ZHX3: variants seen among roughly 807,000 people sequenced by gnomAD.
ZHX3 encodes zinc fingers and homeoboxes 3.
ZHX3 carries 20 observed loss-of-function variants against 64.5 expected under a neutral mutation model. The observed-to-expected ratio is 0.31, with a 90% CI of 0.22 to 0.45. The LOEUF (loss-of-function observed/expected upper bound fraction) is 0.45, where lower values mean the gene tolerates loss of function less well. ZHX3 is among the 20% of genes least tolerant of loss of function. The pLI, the probability that ZHX3 is intolerant of heterozygous loss-of-function variation, is 1.00. For missense variants in ZHX3, 1,041 were observed against 1,195.8 expected (o/e 0.87, Z 1.91); for synonymous variants, 423 against 461.6 (o/e 0.92, Z 1.07).
intron 2 of ZHX3, among the ~76,000 whole-genome samples, chr20:41,238,421 GAGA>G (rs980053808): frequency 3.0e-4 from 45 of 152,246 alleles, no homozygotes; most frequent in East Asian, 1.9e-4. Context: ...GGCTGGAGAA[GAGA>G]AGAAGGAAGG....
At chr20:41,190,437 C>G (rs1318187622) in intron 3 of ZHX3, among the ~76,000 whole-genome samples, 1 of 152,186 alleles carries the variant, frequency 6.6e-6, no homozygotes, top group African/African-American at 2.4e-5. Flanking sequence ...TCCCAAAGTG[C>G]TGGAATTACA....
At chr20:41,187,435 T>C (rs1286356401) in intron 3 of ZHX3, among the ~76,000 whole-genome samples, 1 of 152,158 alleles carries the variant, frequency 6.6e-6, no homozygotes, top group African/African-American at 2.4e-5. Context: ...CTTTGATCTA[T>C]TTTAAGTAAA....
rs567056984 is a variant in ZHX3 at position 41,178,457 on chromosome 20, T to C, written c.*6734A>G. The C allele has an allele frequency of 6.6e-6, 1 of 152,630 alleles. No homozygotes were observed. The highest frequency in any genetic ancestry group is 2.4e-5 in the African/African-American group (1 of 41,594). 9.5% of individuals were successfully genotyped at this position (152,630 alleles called of 1,614,324 possible). On this transcript the variant is annotated 3_prime_UTR_variant, in exon 4 of 4. Transcript: ENST00000683867. The stretch of plus-strand genomic sequence containing the variant: ...AAAATAAGTCAGCAGATGTGAAATA[T>C]ATTTATGTTTTTATTTAGGAATAAT...
intron 1 of ZHX3, among the ~76,000 whole-genome samples, chr20:41,288,309 C>G (rs1044085351): frequency 6.6e-6 from 1 of 152,150 alleles, no homozygotes; most frequent in African/African-American, 2.4e-5. Context: ...TGTGAGCCAC[C>G]GTTCCCAGCC....
intron 1 of ZHX3, among the ~76,000 whole-genome samples, chr20:41,274,590 A>G (rs2043296460): frequency 1.3e-5 from 2 of 152,216 alleles, no homozygotes; most frequent in Non-Finnish European, 2.9e-5. Context: ...CTCACACATC[A>G]AAATTAGAAC....
chr20:41,274,693 TG>T (rs1364608303), intron 1 of ZHX3, among the ~76,000 whole-genome samples: 1 of 152,240 alleles, frequency 6.6e-6, no homozygotes, highest in Non-Finnish European at 1.5e-5. Flanking sequence ...AAATAAATAC[TG>T]GTTCATTTGA....
rs555679124 is a variant in ZHX3, at chr20:41,226,019, C to T, written c.-150-20953G>A. Among the ~76,000 whole-genome samples the T allele has an allele frequency of 6.6e-6, 1 of 152,224 alleles. No homozygotes were observed. Among genetic ancestry groups the T allele is most frequent in the East Asian group, 1.9e-4 (1 of 5,176 alleles). On this transcript the variant is annotated intron_variant, in intron 2 of 3. Transcript: ENST00000683867. The surrounding 1 kb of genome is among the most constrained non-coding windows in gnomAD (Gnocchi z 4.4). ...TGAAGTTATATTTCAAGATGTAGCC[C>T]AACTAGAAGAGAATGAAAAGCAAGC...
At chr20:41,293,268 G>T (rs985724208) in intron 1 of ZHX3, among the ~76,000 whole-genome samples, 1 of 152,182 alleles carries the variant, frequency 6.6e-6, no homozygotes, top group Non-Finnish European at 1.5e-5. Context: ...ATCAGAATCT[G>T]CATTTTAACC....
intron 2 of ZHX3, among the ~76,000 whole-genome samples, chr20:41,246,905 CA>C (rs902520812): frequency 2.4e-5 from 3 of 122,954 alleles, no homozygotes; most frequent in Admixed American, 8.1e-5. Flanking sequence ...AACAAACAAA[CA>C]AAAAAAACTA....
At position 41,183,815 on chromosome 20, in the gene ZHX3, A is replaced by T. The variant is rs922537636; in HGVS notation, c.*1376T>A. On this transcript the variant is annotated 3_prime_UTR_variant, in exon 4 of 4. Coordinates refer to ENST00000683867, the MANE Select transcript of ZHX3 (RefSeq NM_001384317.1). The surrounding 1 kb of genome is among the most constrained non-coding windows in gnomAD (Gnocchi z 5.3). ...GCAACCGGTCTTGGGGAAATTGAGG[A>T]TTTACCATTTAGAACAGCTCTGTAA... 2.6e-5 allele frequency: 4 copies of T among 152,160 alleles called. 1 individual carries two copies. Among genetic ancestry groups the T allele is most frequent in the Non-Finnish European group, 5.9e-5 (4 of 68,032 alleles). 9.4% of individuals were successfully genotyped at this position (152,160 alleles called of 1,614,324 possible).
At position 41,184,453 on chromosome 20, in the gene ZHX3, A is replaced by T. The variant is rs577036963; in HGVS notation, c.*738T>A. 6.0e-4 allele frequency: 94 copies of T among 157,752 alleles called. No homozygotes were observed. The highest frequency in any genetic ancestry group is 9.8e-4 in the Non-Finnish European group (70 of 71,710). 9.8% of individuals were successfully genotyped at this position (157,752 alleles called of 1,614,324 possible). A position where few individuals can be genotyped will look rare whatever the true frequency, so the allele number is the denominator to read the frequency against. On this transcript the variant is annotated 3_prime_UTR_variant, in exon 4 of 4. Transcript: ENST00000683867. Reference sequence around the variant, plus strand: ...ATTCAAACTCCCATGAAAAAGCAGAATTACGGTAACAACTAAAGAGAATGG... The same window carrying T: ...ATTCAAACTCCCATGAAAAAGCAGATTTACGGTAACAACTAAAGAGAATGG...
At chr20:41,187,515 C>A (rs185040971) in intron 3 of ZHX3, among the ~76,000 whole-genome samples, 4 of 152,126 alleles carry the variant, frequency 2.6e-5, no homozygotes, top group Admixed American at 2.6e-4. Flanking sequence ...TTTCCCAGCA[C>A]CTTTTGGTGA....
chr20:41,263,213 G>C (rs1374042695), intron 2 of ZHX3, among the ~76,000 whole-genome samples: 1 of 152,074 alleles, frequency 6.6e-6, no homozygotes, highest in African/African-American at 2.4e-5. Flanking sequence ...CATTCTGTTT[G>C]CAAGATAGGC....
chr20:41,251,837 T>C (rs967984488), intron 2 of ZHX3, among the ~76,000 whole-genome samples: 1 of 149,824 alleles, frequency 6.7e-6, no homozygotes, highest in Non-Finnish European at 1.5e-5. Flanking sequence ...AGATACAAAA[T>C]ATATATATAT....
chr20:41,220,588 T>G (rs1427603423), intron 2 of ZHX3, among the ~76,000 whole-genome samples: 1 of 152,206 alleles, frequency 6.6e-6, no homozygotes, highest in Non-Finnish European at 1.5e-5. Context: ...GATCTGCTTG[T>G]GATGGATCAG....
chr20:41,285,637 T>A (rs1435020078), intron 1 of ZHX3, among the ~76,000 whole-genome samples: 1 of 152,194 alleles, frequency 6.6e-6, no homozygotes, highest in Non-Finnish European at 1.5e-5. Context: ...CAAAATAAAG[T>A]AATCAAAACT....
chr20:41,222,171 G>C (rs779394492), intron 2 of ZHX3, among the ~76,000 whole-genome samples: 1 of 152,230 alleles, frequency 6.6e-6, no homozygotes, highest in Non-Finnish European at 1.5e-5. Context: ...GGTAGAGATG[G>C]AGGTAAGAAG....
intron 2 of ZHX3, among the ~76,000 whole-genome samples, chr20:41,244,102 T>C (rs576226630): frequency 1.3e-5 from 2 of 152,194 alleles, no homozygotes; most frequent in South Asian, 2.1e-4. Flanking sequence ...CCTGACTAGA[T>C]GCCCACTAGA....
chr20:41,221,503 T>C (rs1269214003), intron 2 of ZHX3, among the ~76,000 whole-genome samples: 3 of 151,976 alleles, frequency 2.0e-5, no homozygotes, highest in Admixed American at 6.6e-5. Flanking sequence ...TGCCAGAATA[T>C]GGGGAAGACA....
Sources: allele counts gnomAD v4.1 joint callset (sites outside exome capture counted in the v4.1 genomes callset), GRCh38; gene constraint gnomAD v4.1.1; non-coding constraint Gnocchi (gnomAD v3.1); transcripts MANE v1.5; gene names NCBI Gene and HGNC (gene_info 2026-07-23, HGNC 2026-07-21).